ANKRD30A: variants seen among roughly 807,000 people sequenced by gnomAD.
The protein encoded by ANKRD30A is ankyrin repeat domain-containing protein 30A.
ANKRD30A carries 170 observed loss-of-function variants against 166.3 expected under a neutral mutation model. The observed-to-expected ratio is 1.02, with a 90% CI of 0.90 to 1.16. The LOEUF (loss-of-function observed/expected upper bound fraction) is 1.16, where lower values mean the gene tolerates loss of function less well. Among genes scored for constraint, ANKRD30A ranks in the 50% most tolerant of loss-of-function variants. The pLI, the probability that ANKRD30A is intolerant of heterozygous loss-of-function variation, is 0.00. For missense variants in ANKRD30A, 1,630 were observed against 1,518.0 expected (o/e 1.07, Z -1.23); for synonymous variants, 564 against 508.9 (o/e 1.11, Z -1.46).
intron 13 of ANKRD30A, among the ~76,000 whole-genome samples, chr10:37,154,541 G>A (rs1039798509): frequency 6.6e-6 from 1 of 152,072 alleles, no homozygotes; most frequent in Non-Finnish European, 1.5e-5. Context: ...AGTCAGGGGA[G>A]AAGAAGAAAG....
chr10:37,177,329 T>C (rs1386125163), intron 24 of ANKRD30A, among the ~76,000 whole-genome samples: 1 of 152,194 alleles, frequency 6.6e-6, no homozygotes, highest in Non-Finnish European at 1.5e-5. Flanking sequence ...AAATGTCTTA[T>C]TTATTTTTGA....
intron 34 of ANKRD30A, among the ~76,000 whole-genome samples, chr10:37,222,998 A>G (rs538824587): frequency 6.6e-6 from 1 of 151,562 alleles, no homozygotes; most frequent in East Asian, 1.9e-4. Flanking sequence ...ATTTTTTCAG[A>G]CATTGACATA....
chr10:37,200,181 G>A (rs1257260685), intron 30 of ANKRD30A, among the ~76,000 whole-genome samples: 1 of 151,994 alleles, frequency 6.6e-6, no homozygotes, highest in Non-Finnish European at 1.5e-5. Context: ...GACAGTTTAA[G>A]CTGCAGTATT....
chr10:37,202,041 G>T (rs1205452679), intron 31 of ANKRD30A, among the ~76,000 whole-genome samples: 1 of 152,110 alleles, frequency 6.6e-6, no homozygotes, highest in Non-Finnish European at 1.5e-5. Context: ...TGATGCTGAT[G>T]CTGGTGGTCC....
At chr10:37,204,582 C>A (rs999899172) in intron 31 of ANKRD30A, among the ~76,000 whole-genome samples, 12 of 152,054 alleles carry the variant, frequency 7.9e-5, no homozygotes, top group Non-Finnish European at 1.2e-4. Flanking sequence ...ACTAAAACAC[C>A]AAAAGCAATG....
At chr10:37,190,385 C>A (rs1400935684) in intron 25 of ANKRD30A, among the ~76,000 whole-genome samples, 1 of 151,648 alleles carries the variant, frequency 6.6e-6, no homozygotes, top group Admixed American at 6.6e-5. Context: ...CAGAAAAGGT[C>A]AGGAGAAAGC....
chr10:37,211,843 G>A (rs1220811829), intron 31 of ANKRD30A, among the ~76,000 whole-genome samples: 2 of 151,970 alleles, frequency 1.3e-5, no homozygotes, highest in African/African-American at 4.8e-5. Context: ...GTGTGAGATG[G>A]TATCTCATTG....
chr10:37,141,875 T>G lies in ANKRD30A; in HGVS notation c.978T>G (p.Asp326Glu), dbSNP rs372199195. The G allele has an allele frequency of 6.2e-7, 1 of 1,603,410 alleles. No individual in the cohort carries two copies. Among genetic ancestry groups the G allele is most frequent in the South Asian group, 1.1e-5 (1 of 90,600 alleles). ...AAAGCTTGGTGGAAAAAACACCTGA[T>G]GAGGCTGCATCCTTGGTGGAGGGAA... Reference protein sequence around the residue: ...TAESLVEKTPDEAASLVEGTS... With the variant: ...TAESLVEKTPEEAASLVEGTS... Residue 326 changes from aspartate (D) to glutamate (E), a missense_variant, in exon 7 of 36, where the codon GAT (aspartate) becomes GAG (glutamate). Transcript: ENST00000361713.
chr10:37,139,215 C>T (rs1836933042), intron 6 of ANKRD30A, among the ~76,000 whole-genome samples: 1 of 152,150 alleles, frequency 6.6e-6, no homozygotes, highest in Non-Finnish European at 1.5e-5. Context: ...TTATAACCTG[C>T]AGGGGTCTGT....
intron 31 of ANKRD30A, among the ~76,000 whole-genome samples, chr10:37,204,604 C>T (rs546462768): frequency 6.6e-6 from 1 of 152,052 alleles, no homozygotes; most frequent in African/African-American, 2.4e-5. Context: ...CAACAAAAGC[C>T]AAAATTGACA....
chr10:37,160,755 G>T (rs1203169640), intron 15 of ANKRD30A, among the ~76,000 whole-genome samples: 1 of 152,122 alleles, frequency 6.6e-6, no homozygotes, highest in Non-Finnish European at 1.5e-5. Context: ...TACATGGGAA[G>T]AAGTAGTTCA....
At chr10:37,137,261 A>G (rs1326043328) in intron 6 of ANKRD30A, among the ~76,000 whole-genome samples, 3 of 152,224 alleles carry the variant, frequency 2.0e-5, no homozygotes, top group Non-Finnish European at 4.4e-5. Context: ...ATGGCTGAAT[A>G]GGAACAGCTC....
chr10:37,199,140 G>A (rs1195577773), intron 29 of ANKRD30A, among the ~76,000 whole-genome samples: 1 of 151,996 alleles, frequency 6.6e-6, no homozygotes, highest in Non-Finnish European at 1.5e-5. Flanking sequence ...TAATTCATAT[G>A]CAATAAAAGT....
At position 37,158,570 on chromosome 10, in the gene ANKRD30A, G is replaced by A. The variant is rs775904971; in HGVS notation, c.1884G>A (p.Met628Ile). Residue 628 changes from methionine to isoleucine, a missense_variant, in exon 15 of 36, where the codon ATG (methionine) becomes ATA (isoleucine). Physicochemically the swap from Met to Ile is conservative, Grantham distance 10 (BLOSUM62 1). Coordinates refer to ENST00000361713, the MANE Select transcript of ANKRD30A (RefSeq NM_052997.3). ...CTAAAGCCTTAGAATTGAAGGACAT[G>A]CAAACTTTCAAAGCAGGTAAATTTT... is the stretch of plus-strand genomic sequence containing the variant. ...IPTKALELKD[M>I]QTFKAEPPGK... is the part of the protein sequence containing the mutation. 21 of 1,613,168 alleles carry A rather than the reference G, an allele frequency of 1.3e-5. No individual in the cohort carries two copies. The South Asian group carries it at 2.0e-4, about 15-fold the overall frequency.
intron 6 of ANKRD30A, among the ~76,000 whole-genome samples, chr10:37,141,257 G>A (rs1837085660): frequency 6.6e-6 from 1 of 152,030 alleles, no homozygotes; most frequent in African/African-American, 2.4e-5. Context: ...TATATCCAAG[G>A]TGAAGAATTA....
intron 5 of ANKRD30A, among the ~76,000 whole-genome samples, chr10:37,134,957 C>T (rs765441869): frequency 6.6e-6 from 1 of 152,176 alleles, no homozygotes; most frequent in Non-Finnish European, 1.5e-5. Flanking sequence ...TTGTAAGTAG[C>T]AGAAGGTCTT....
chr10:37,239,997 T>C, the ANKRD30A span, among the ~76,000 whole-genome samples: 1 of 152,124 alleles, frequency 6.6e-6, no homozygotes, highest in Admixed American at 6.6e-5. Flanking sequence ...ATTGCAAAAT[T>C]TATTAATTCA....
At chr10:37,265,825 G>T in the ANKRD30A span, among the ~76,000 whole-genome samples, 1 of 152,234 alleles carries the variant, frequency 6.6e-6, no homozygotes, top group Non-Finnish European at 1.5e-5. Context: ...GTCTGGGCAT[G>T]GCACAGCTGT....
chr10:37,222,945 A>C (rs1842962016), intron 34 of ANKRD30A, among the ~76,000 whole-genome samples: 1 of 151,498 alleles, frequency 6.6e-6, no homozygotes, highest in African/African-American at 2.4e-5. Context: ...AAAATATTCT[A>C]TCTTACCAGT....
Sources: allele counts gnomAD v4.1 joint callset (sites outside exome capture counted in the v4.1 genomes callset), GRCh38; gene constraint gnomAD v4.1.1; transcripts MANE v1.5; gene names NCBI Gene and HGNC (gene_info 2026-07-23, HGNC 2026-07-21).